EFCAB6: variants seen among roughly 807,000 people sequenced by gnomAD.
The protein encoded by EFCAB6 is EF-hand calcium-binding domain-containing protein 6.
In EFCAB6, 156 loss-of-function variants were observed where a neutral mutation model predicts 169.8. The observed-to-expected ratio is 0.92, with a 90% confidence interval of 0.81 to 1.05. EFCAB6 has a LOEUF of 1.05. Among genes scored for constraint, EFCAB6 ranks in the 50% least tolerant of loss-of-function variants. The pLI is 0.00. For synonymous variants in EFCAB6, 698 were observed against 676.4 expected (o/e 1.03, Z -0.50); for missense variants, 1,800 against 1,829.1 (o/e 0.98, Z 0.29).
At position 43,589,320 on chromosome 22, in the gene EFCAB6, A is replaced by AAAAAAAAAG. The variant is rs1569207678; in HGVS notation, c.3032+753_3032+754insCTTTTTTTT. Among the ~76,000 whole-genome samples, 90 of 59,824 alleles carry AAAAAAAAAG rather than the reference A, an allele frequency of 1.5e-3. 6 individuals carry two copies. The highest frequency in any genetic ancestry group is 0.018 in the Middle Eastern group (2 of 112). 39.2% of individuals were successfully genotyped at this position (59,824 alleles called of 152,430 possible). On this transcript the variant is annotated intron_variant, in intron 24 of 31. Transcript: ENST00000262726. ...AAAAAAAAAAAAAAAAAAAAAAAAAAAGAAGTACAGGTACATTCACTATCA... is the reference window on the plus strand; with the variant it reads ...AAAAAAAAAAAAAAAAAAAAAAAAAAAAAAAAAAGAGAAGTACAGGTACATTCACTATCA...
intron 8 of EFCAB6, among the ~76,000 whole-genome samples, chr22:43,729,426 A>G (rs1461523568): frequency 6.6e-6 from 1 of 152,182 alleles, no homozygotes; most frequent in African/African-American, 2.4e-5. Context: ...TGAGATTTGG[A>G]AGAGACAAAT....
rs148144754 is a variant in EFCAB6 at position 43,570,671 on chromosome 22, C to T, written c.3420+5626G>A. ...AAGCCACTGGGTAGCATTTTTGCTT[C>T]GATGCCTTGTTCCTCTTTTATGCCT... On this transcript the variant is annotated intron_variant, in intron 26 of 31. Transcript: ENST00000262726. Among the ~76,000 whole-genome samples the T allele has an allele frequency of 2.7e-4, 41 of 149,188 alleles. No homozygotes were observed. The East Asian group carries it at 7.8e-3, about 28-fold the overall frequency.
At chr22:43,671,210 T>C (rs2057477766) in intron 15 of EFCAB6, among the ~76,000 whole-genome samples, 1 of 152,116 alleles carries the variant, frequency 6.6e-6, no homozygotes, top group African/African-American at 2.4e-5. Flanking sequence ...GTTTTTTGTT[T>C]TTTGTTTTGA....
chr22:43,765,970 T>C (rs2061314732), intron 4 of EFCAB6, among the ~76,000 whole-genome samples: 1 of 152,230 alleles, frequency 6.6e-6, no homozygotes. Context: ...TTAGGAAATG[T>C]ACACTGATGT....
Position 43,635,153 on chromosome 22 carries a change from C to G in EFCAB6, c.2047G>C (p.Gly683Arg). The G allele has an allele frequency of 6.2e-7, 1 of 1,614,144 alleles. No individual in the cohort carries two copies. The highest frequency in any genetic ancestry group is 8.5e-7 in the Non-Finnish European group (1 of 1,180,034). ...DQYALLTTKI[G>R]FEKEGMSYLD... ...TAGCTCATCCCTTCCTTCTCGAAGC[C>G]TATTTTAGTGGTCAGCAGGGCATAC... Residue 683 changes from glycine (G) to arginine (R), a missense_variant, in exon 18 of 32, where the codon GGC (glycine) becomes CGC (arginine). Physicochemically the swap from Gly to Arg is moderately radical, Grantham distance 125 (BLOSUM62 -2). Coordinates refer to ENST00000262726, the MANE Select transcript of EFCAB6 (RefSeq NM_022785.4).
At chr22:43,796,536 C>T (rs1412006178) in intron 2 of EFCAB6, among the ~76,000 whole-genome samples, 3 of 152,038 alleles carry the variant, frequency 2.0e-5, no homozygotes, top group Admixed American at 2.0e-4. Context: ...TCATCAGACC[C>T]ACCACACCTG....
chr22:43,784,631 A>ATATATACACACATATATACACATATATG (rs2061988483), intron 2 of EFCAB6, among the ~76,000 whole-genome samples: 1 of 42,372 alleles, frequency 2.4e-5, no homozygotes. Flanking sequence ...ACACATATAT[A>ATATATACACACATATATACACATATATG]TGTATATGTA....
chr22:43,778,802 A>C (rs1223721156), intron 3 of EFCAB6, among the ~76,000 whole-genome samples: 1 of 152,180 alleles, frequency 6.6e-6, no homozygotes, highest in Non-Finnish European at 1.5e-5. Context: ...CTCGCTAGAA[A>C]CCTGAGAGAA....
At chr22:43,613,742 C>T (rs1158843936) in intron 21 of EFCAB6, among the ~76,000 whole-genome samples, 1 of 152,276 alleles carries the variant, frequency 6.6e-6, no homozygotes, top group African/African-American at 2.4e-5. Context: ...TAAACCTGCA[C>T]ACATATCCCT....
At chr22:43,648,602 G>T (rs988052464) in intron 17 of EFCAB6, among the ~76,000 whole-genome samples, 3 of 152,130 alleles carry the variant, frequency 2.0e-5, no homozygotes, top group Admixed American at 1.3e-4. Context: ...CCACCTGTTG[G>T]GTACTATGCT....
chr22:43,711,627 C>T lies in EFCAB6; in HGVS notation c.883-4G>A. The T allele has an allele frequency of 6.3e-7, 1 of 1,576,446 alleles. No individual in the cohort carries two copies. The highest frequency in any genetic ancestry group is 8.5e-7 in the Non-Finnish European group (1 of 1,170,596). ...CCTTTTCATAAGACTTCGAAAGCTG[C>T]AATAAATTGAAATTAGAGTGTGGCG... On this transcript the variant is annotated splice_region_variant and splice_polypyrimidine_tract_variant and intron_variant, in intron 9 of 31. Transcript: ENST00000262726.
chr22:43,611,218 A>G (rs2053276819), intron 21 of EFCAB6, among the ~76,000 whole-genome samples: 1 of 152,206 alleles, frequency 6.6e-6, no homozygotes. Flanking sequence ...TCAAACTGAC[A>G]GCAAAATTAG....
chr22:43,690,309 C>A (rs913356802), intron 10 of EFCAB6, among the ~76,000 whole-genome samples: 6 of 132,752 alleles, frequency 4.5e-5, no homozygotes, highest in African/African-American at 1.8e-4. Flanking sequence ...ACCATCCTGG[C>A]TAATAGGGTG....
intron 21 of EFCAB6, among the ~76,000 whole-genome samples, chr22:43,614,177 CA>C (rs56164555): frequency 1.1e-3 from 73 of 68,790 alleles, no homozygotes; most frequent in Middle Eastern, 0.012. Flanking sequence ...CACAATACTG[CA>C]AAAAAAAAAA....
chr22:43,626,648 G>T lies in EFCAB6; in HGVS notation c.2264C>A (p.Ala755Asp). The T allele has an allele frequency of 6.2e-7, 1 of 1,614,202 alleles. No homozygotes were observed. The highest frequency in any genetic ancestry group is 2.2e-5 in the East Asian group (1 of 44,888). The change falls in exon 20 of 32, where the codon GCT becomes GAT. Residue 755 changes from alanine to aspartate, a missense_variant. By Grantham distance (126) the Ala-to-Asp change is moderately radical. Transcript: ENST00000262726. ...CATGTTGATTATGCCATCCCTGTCA[G>T]CATCTGTTTTAAAGAAGGCAGAGTA... The part of the protein sequence containing the change: ...DPYSAFFKTD[A>D]DRDGIINMHD...
chr22:43,731,965 CT>C (rs1399775628), intron 7 of EFCAB6, among the ~76,000 whole-genome samples, 154 bp from the exon 8 acceptor site: 1 of 152,022 alleles, frequency 6.6e-6, no homozygotes, highest in East Asian at 1.9e-4. Context: ...GAAAATGTTA[CT>C]GTCAGATTTT....
intron 5 of EFCAB6, among the ~76,000 whole-genome samples, chr22:43,758,767 A>C (rs974729964): frequency 1.3e-5 from 2 of 152,230 alleles, no homozygotes; most frequent in African/African-American, 4.8e-5. Context: ...TAACTGTCTC[A>C]GTTTTTGTCT....
chr22:43,724,367 C>CTTTTTTT (rs58226287), intron 8 of EFCAB6, among the ~76,000 whole-genome samples: 28 of 107,864 alleles, frequency 2.6e-4, no homozygotes, highest in Non-Finnish European at 3.4e-4. Flanking sequence ...TTTCTTTTTT[C>CTTTTTTT]TTTTTTTTTT....
At position 43,548,246 on chromosome 22, in the gene EFCAB6, A is replaced by T. The variant is rs548019758; in HGVS notation, c.3648+6623T>A. Among the ~76,000 whole-genome samples the T allele has an allele frequency of 7.4e-4, 113 of 152,238 alleles. No individual in the cohort carries two copies. In the Middle Eastern group the frequency reaches 0.014, roughly 18 times the overall value. On this transcript the variant is annotated intron_variant, in intron 27 of 31. Coordinates refer to ENST00000262726, the MANE Select transcript of EFCAB6 (RefSeq NM_022785.4). ...AATGAGATTATTAGACTGTATTTTTAAAAAAATCCAGCTGGGCAAGGTGGC... is the reference window on the plus strand; with the variant it reads ...AATGAGATTATTAGACTGTATTTTTTAAAAAATCCAGCTGGGCAAGGTGGC...
Sources: gnomAD v4.1 joint callset for allele counts (sites outside exome capture counted in the v4.1 genomes callset) on GRCh38, gnomAD v4.1.1 for gene constraint, MANE v1.5 for transcripts, NCBI Gene and HGNC (gene_info 2026-07-23, HGNC 2026-07-21) for gene names.